CACNG2: variants seen among roughly 807,000 people sequenced by gnomAD.
The protein encoded by CACNG2 is calcium voltage-gated channel auxiliary subunit gamma 2.
CACNG2 carries 3 observed loss-of-function variants against 25.9 expected under a neutral mutation model. The observed-to-expected ratio is 0.12, with a 90% confidence interval of 0.05 to 0.30. CACNG2 has a LOEUF of 0.30. Among genes scored for constraint, CACNG2 ranks in the 10% least tolerant of loss-of-function variants. The probability of loss-of-function intolerance (pLI) is 1.00; values close to 1 mark genes in which losing one functional copy is unlikely to be tolerated. For missense variants in CACNG2, 341 were observed against 432.5 expected, an observed-to-expected ratio of 0.79 and a Z score of 1.88; for synonymous variants, 167 against 173.3, an observed-to-expected ratio of 0.96 and a Z score of 0.29.
intron 2 of CACNG2, among the ~76,000 whole-genome samples, chr22:36,579,091 C>T (rs1232058873): frequency 6.6e-6 from 1 of 152,144 alleles, no homozygotes; most frequent in South Asian, 2.1e-4. Context: ...CTTACTTCTC[C>T]CATCCAGGCT....
At chr22:36,607,132 G>A (rs1312033083) in intron 1 of CACNG2, among the ~76,000 whole-genome samples, 2 of 152,108 alleles carry the variant, frequency 1.3e-5, no homozygotes, top group Admixed American at 1.3e-4. Flanking sequence ...GACTGGAGGG[G>A]CAAGACCAGA....
chr22:36,678,663 T>A (rs1937047139), intron 1 of CACNG2, among the ~76,000 whole-genome samples: 1 of 143,766 alleles, frequency 7.0e-6, no homozygotes, highest in Non-Finnish European at 1.5e-5. Flanking sequence ...TATGACCTCA[T>A]TTCCACCCCC....
At chr22:36,659,773 A>C (rs1488135202) in intron 1 of CACNG2, among the ~76,000 whole-genome samples, 2 of 152,050 alleles carry the variant, frequency 1.3e-5, no homozygotes, top group Admixed American at 1.3e-4. Context: ...GCCTGTGCCA[A>C]CTGCTGGAAT....
chr22:36,685,352 C>T (rs12160357), intron 1 of CACNG2, among the ~76,000 whole-genome samples: 1 of 152,008 alleles, frequency 6.6e-6, no homozygotes, highest in African/African-American at 2.4e-5. Context: ...CGCCTTCTCA[C>T]GCTCTTTCCC....
At chr22:36,577,001 C>A (rs1015480685) in intron 2 of CACNG2, among the ~76,000 whole-genome samples, 3 of 152,130 alleles carry the variant, frequency 2.0e-5, no homozygotes, top group Non-Finnish European at 4.4e-5. Flanking sequence ...TTCCTGCTGT[C>A]AGTAGAGATT....
chr22:36,596,336 T>C (rs2145928666), intron 1 of CACNG2, among the ~76,000 whole-genome samples: 1 of 152,354 alleles, frequency 6.6e-6, no homozygotes, highest in Middle Eastern at 3.4e-3. Context: ...TGTTTCTGGC[T>C]GGAACCCCAG....
At chr22:36,677,341 T>C (rs1007528499) in intron 1 of CACNG2, among the ~76,000 whole-genome samples, 2 of 152,132 alleles carry the variant, frequency 1.3e-5, no homozygotes, top group African/African-American at 4.8e-5. Flanking sequence ...ACCTAAGGAA[T>C]AGGAAGCATT....
intron 1 of CACNG2, among the ~76,000 whole-genome samples, chr22:36,625,165 AG>A (rs1936166917): frequency 6.6e-6 from 1 of 152,100 alleles, no homozygotes; most frequent in African/African-American, 2.4e-5. Flanking sequence ...AATCCCTGGC[AG>A]GGGAATGCAG....
At chr22:36,613,156 C>CTGTGTG (rs61572491) in intron 1 of CACNG2, among the ~76,000 whole-genome samples, 387 of 146,222 alleles carry the variant, frequency 2.6e-3, no homozygotes, top group South Asian at 0.019. Flanking sequence ...TACAGGCTCT[C>CTGTGTG]TGTGTGTGTG....
rs148910884 is a variant in CACNG2, at chr22:36,684,933, C to T, written c.211+17433G>A. ...GCTGGATCGCGCTGCCCAATCAATC[C>T]GGGAAGAAAGTAGGGCAGGAAGTGG... On this transcript the variant is annotated intron_variant, in intron 1 of 3. Transcript: ENST00000300105. Among the ~76,000 whole-genome samples, 142 of 152,254 alleles carry T rather than the reference C, an allele frequency of 9.3e-4. 5 individuals are homozygous for T. In the East Asian group the frequency reaches 0.018, roughly 19 times the overall value.
intron 2 of CACNG2, among the ~76,000 whole-genome samples, chr22:36,572,234 T>C (rs1461954028): frequency 1.3e-5 from 2 of 152,158 alleles, no homozygotes; most frequent in Non-Finnish European, 2.9e-5. Context: ...ACCAGCCCCA[T>C]GAAGCCATGG....
chr22:36,683,309 C>T (rs1040259608), intron 1 of CACNG2, among the ~76,000 whole-genome samples: 2 of 152,320 alleles, frequency 1.3e-5, no homozygotes, highest in Middle Eastern at 3.4e-3. Context: ...TAAACACCCT[C>T]GGGTCAAAGT....
At chr22:36,587,389 G>T in intron 2 of CACNG2, 76 bp downstream of exon 2, 1 of 1,070,576 alleles carries the variant, frequency 9.3e-7, no homozygotes, top group Non-Finnish European at 1.5e-6. Context: ...AGGTAGGCCT[G>T]GTCCTTGACT....
At chr22:36,640,948 T>C (rs1386693363) in intron 1 of CACNG2, among the ~76,000 whole-genome samples, 2 of 152,160 alleles carry the variant, frequency 1.3e-5, no homozygotes, top group Non-Finnish European at 2.9e-5. Context: ...TGTCTCCTTC[T>C]TGGGGCACAC....
chr22:36,652,501 G>C (rs1187342951), intron 1 of CACNG2, among the ~76,000 whole-genome samples: 1 of 151,978 alleles, frequency 6.6e-6, no homozygotes, highest in Non-Finnish European at 1.5e-5. Flanking sequence ...CCCCTTTTAG[G>C]TCTTGCTCAC....
intron 1 of CACNG2, among the ~76,000 whole-genome samples, chr22:36,633,054 C>T (rs1936300168): frequency 6.6e-6 from 1 of 152,182 alleles, no homozygotes. Flanking sequence ...TACCTAGAAC[C>T]TCACTACCTC....
At chr22:36,647,293 G>T (rs1936540592) in intron 1 of CACNG2, among the ~76,000 whole-genome samples, 1 of 152,096 alleles carries the variant, frequency 6.6e-6, no homozygotes, top group Non-Finnish European at 1.5e-5. Flanking sequence ...AGCCAGAAGG[G>T]TTATTTAAAA....
At chr22:36,574,396 G>A (rs1387073329) in intron 2 of CACNG2, among the ~76,000 whole-genome samples, 1 of 152,170 alleles carries the variant, frequency 6.6e-6, no homozygotes, top group African/African-American at 2.4e-5. Flanking sequence ...GGGTGGCGTT[G>A]AGGTTAACTT....
chr22:36,587,896 T>C (rs560192589), intron 1 of CACNG2, among the ~76,000 whole-genome samples: 48 of 152,328 alleles, frequency 3.2e-4, no homozygotes, highest in African/African-American at 1.1e-3. Flanking sequence ...CCCGTCTCTG[T>C]GCCCCAGCAT....
Sources: gnomAD v4.1 joint callset for allele counts (sites outside exome capture counted in the v4.1 genomes callset) on GRCh38, gnomAD v4.1.1 for gene constraint, MANE v1.5 for transcripts, NCBI Gene and HGNC (gene_info 2026-07-23, HGNC 2026-07-21) for gene names.